ARHGAP15: variants seen among roughly 807,000 people sequenced by gnomAD.
The protein encoded by ARHGAP15 is rho GTPase-activating protein 15.
A neutral mutation model predicts 63.7 loss-of-function variants in ARHGAP15; 51 were observed. The observed-to-expected ratio is 0.80, with a 90% CI of 0.64 to 1.01. ARHGAP15 has a LOEUF of 1.01. Among genes scored for constraint, ARHGAP15 ranks in the 50% least tolerant of loss-of-function variants. The pLI is 0.00. For missense variants in ARHGAP15, 560 were observed against 564.6 expected (o/e 0.99, Z 0.08); for synonymous variants, 191 against 193.8 (o/e 0.99, Z 0.12).
At chr2:143,571,334 C>T (rs1192452186) in intron 11 of ARHGAP15, among the ~76,000 whole-genome samples, 2 of 152,212 alleles carry the variant, frequency 1.3e-5, no homozygotes, top group Non-Finnish European at 2.9e-5. Flanking sequence ...AAACTGGTCC[C>T]TGGTGCCAAA....
At chr2:143,684,480 A>G (rs1395492437) in intron 12 of ARHGAP15, among the ~76,000 whole-genome samples, 1 of 151,952 alleles carries the variant, frequency 6.6e-6, no homozygotes, top group Admixed American at 6.6e-5. Context: ...GCAAAAACAA[A>G]AAAAAAAATC....
chr2:143,308,176 C>G (rs1029062060), intron 6 of ARHGAP15, among the ~76,000 whole-genome samples: 3 of 152,162 alleles, frequency 2.0e-5, no homozygotes, highest in African/African-American at 7.2e-5. Context: ...TGAAATTAAT[C>G]ATTACTTAAT....
At chr2:143,141,484 C>T (rs1193580835) in intron 1 of ARHGAP15, among the ~76,000 whole-genome samples, 2 of 151,900 alleles carry the variant, frequency 1.3e-5, no homozygotes, top group Non-Finnish European at 2.9e-5. Context: ...AAATAGAGAA[C>T]AGAAACCAAT....
intron 6 of ARHGAP15, among the ~76,000 whole-genome samples, chr2:143,367,026 T>C (rs1686324272): frequency 6.6e-6 from 1 of 152,112 alleles, no homozygotes; most frequent in African/African-American, 2.4e-5. Context: ...ATGTTTATAG[T>C]AGCCAAGATG....
chr2:143,207,638 T>C (rs778002875), intron 3 of ARHGAP15, among the ~76,000 whole-genome samples: 5 of 152,108 alleles, frequency 3.3e-5, no homozygotes, highest in Non-Finnish European at 7.4e-5. Context: ...CTTGTGAACA[T>C]GGATAACATT....
intron 13 of ARHGAP15, among the ~76,000 whole-genome samples, chr2:143,752,935 G>A (rs1057485356): frequency 6.6e-5 from 10 of 152,112 alleles, no homozygotes; most frequent in African/African-American, 1.7e-4. Flanking sequence ...CCAGGAGTTC[G>A]AGACCAGCCT....
intron 12 of ARHGAP15, among the ~76,000 whole-genome samples, chr2:143,648,268 G>C (rs1680987467): frequency 6.6e-6 from 1 of 152,062 alleles, no homozygotes; most frequent in Non-Finnish European, 1.5e-5. Flanking sequence ...ACTGAATGCA[G>C]CAAGTATCCT....
intron 11 of ARHGAP15, 122 bp from the exon 12 acceptor site, chr2:143,624,011 C>A: frequency 1.7e-6 from 2 of 1,188,190 alleles, no homozygotes; most frequent in Non-Finnish European, 2.3e-6. Context: ...AGCACCAAAC[C>A]TCTAGGTGCA....
intron 1 of ARHGAP15, among the ~76,000 whole-genome samples, chr2:143,144,731 A>G (rs1183402683): frequency 6.6e-6 from 1 of 151,948 alleles, no homozygotes; most frequent in Non-Finnish European, 1.5e-5. Context: ...ATTTTCAACT[A>G]TTGCCCATAC....
chr2:143,141,359 A>G (rs1241911104), intron 1 of ARHGAP15, among the ~76,000 whole-genome samples: 1 of 152,154 alleles, frequency 6.6e-6, no homozygotes, highest in Non-Finnish European at 1.5e-5. Flanking sequence ...AGAGCAAGGC[A>G]TGGGACCAAG....
At chr2:143,444,612 A>G (rs1475547108) in intron 8 of ARHGAP15, among the ~76,000 whole-genome samples, 1 of 152,180 alleles carries the variant, frequency 6.6e-6, no homozygotes, top group East Asian at 1.9e-4. Context: ...CAAAATTCTA[A>G]AGAAGTAATT....
At chr2:143,346,521 T>A (rs1044543676) in intron 6 of ARHGAP15, among the ~76,000 whole-genome samples, 4 of 152,058 alleles carry the variant, frequency 2.6e-5, no homozygotes, top group Non-Finnish European at 4.4e-5. Context: ...ATAAGTGCAT[T>A]TTCCTTTAAA....
intron 6 of ARHGAP15, among the ~76,000 whole-genome samples, chr2:143,354,269 T>A (rs1685710781): frequency 6.6e-6 from 1 of 152,162 alleles, no homozygotes; most frequent in South Asian, 2.1e-4. Context: ...AATGAATAAG[T>A]AGAAATCTGT....
intron 2 of ARHGAP15, among the ~76,000 whole-genome samples, chr2:143,197,853 C>T (rs1691943297): frequency 6.6e-6 from 1 of 151,908 alleles, no homozygotes; most frequent in Non-Finnish European, 1.5e-5. Flanking sequence ...TTCTAGCATC[C>T]TGTATAAATG....
chr2:143,419,687 A>G (rs1688834742), intron 6 of ARHGAP15, among the ~76,000 whole-genome samples: 1 of 152,018 alleles, frequency 6.6e-6, no homozygotes, highest in South Asian at 2.1e-4. Flanking sequence ...TAAACATAAC[A>G]TATGTATTAA....
At chr2:143,486,983 G>T (rs1574516702) in intron 8 of ARHGAP15, among the ~76,000 whole-genome samples, 1 of 152,276 alleles carries the variant, frequency 6.6e-6, no homozygotes, top group East Asian at 1.9e-4. Context: ...GCTAGGGATG[G>T]TATATAATCA....
chr2:143,377,287 T>G lies in ARHGAP15; in HGVS notation c.475-58314T>G, dbSNP rs549108796. 4.6e-5 allele frequency among the ~76,000 whole-genome samples: 7 copies of G among 152,184 alleles called. No homozygotes were observed. In the East Asian group the frequency reaches 9.6e-4, roughly 21 times the overall value. ...GTGATCATTTATTCTAGTTTCTTGTTCTAATTAACATACTTTTTAAAAACC... is the reference window on the plus strand; with the variant it reads ...GTGATCATTTATTCTAGTTTCTTGTGCTAATTAACATACTTTTTAAAAACC... On this transcript the variant is annotated intron_variant, in intron 6 of 13. Coordinates refer to ENST00000295095, the MANE Select transcript of ARHGAP15 (RefSeq NM_018460.4).
chr2:143,727,800 T>G (rs1308743909), intron 13 of ARHGAP15, among the ~76,000 whole-genome samples: 1 of 152,210 alleles, frequency 6.6e-6, no homozygotes, highest in Non-Finnish European at 1.5e-5. Context: ...AAACCAGATT[T>G]TTTTTACTCT....
At chr2:143,421,688 A>AGG (rs1229871538) in intron 6 of ARHGAP15, among the ~76,000 whole-genome samples, 2 of 151,870 alleles carry the variant, frequency 1.3e-5, no homozygotes, top group Non-Finnish European at 2.9e-5. Context: ...CATATAGTAA[A>AGG]GGGAGGTATT....
Sources: allele counts gnomAD v4.1 joint callset (sites outside exome capture counted in the v4.1 genomes callset), GRCh38; gene constraint gnomAD v4.1.1; transcripts MANE v1.5; gene names NCBI Gene and HGNC (gene_info 2026-07-23, HGNC 2026-07-21).